Variants in SEMA3E observed in about 807,000 individuals in gnomAD.
SEMA3E encodes semaphorin-3E.
A neutral mutation model predicts 93.6 loss-of-function variants in SEMA3E; 49 were observed. The ratio of observed to expected loss-of-function variants is 0.52; its 90% CI spans 0.42 to 0.66. SEMA3E has a LOEUF of 0.66. Ranked by LOEUF, SEMA3E falls within the 30% of genes least tolerant of loss-of-function variation. The pLI, the probability that SEMA3E is intolerant of heterozygous loss-of-function variation, is 0.00. For synonymous variants in SEMA3E, 363 were observed against 330.7 expected (o/e 1.10, Z -1.06); for missense variants, 906 against 964.8 (o/e 0.94, Z 0.81).
At chr7:83,471,053 C>T (rs1243871774) in intron 2 of SEMA3E, among the ~76,000 whole-genome samples, 1 of 151,718 alleles carries the variant, frequency 6.6e-6, no homozygotes, top group Non-Finnish European at 1.5e-5. Context: ...TTCTGTTAAA[C>T]ATAAGTCACT....
At chr7:83,544,901 G>A (rs561509395) in intron 1 of SEMA3E, among the ~76,000 whole-genome samples, 4 of 151,940 alleles carry the variant, frequency 2.6e-5, no homozygotes, top group Non-Finnish European at 4.4e-5. Context: ...TGACTTGAAC[G>A]AAATATATTT....
At chr7:83,389,005 A>C (rs1481814744) in intron 14 of SEMA3E, among the ~76,000 whole-genome samples, 1 of 151,954 alleles carries the variant, frequency 6.6e-6, no homozygotes, top group Non-Finnish European at 1.5e-5. Context: ...AGTATGTTTT[A>C]GTTTTAGTTT....
chr7:83,574,473 AGAG>A (rs771743564), intron 1 of SEMA3E, among the ~76,000 whole-genome samples: 139 of 48,682 alleles, frequency 2.9e-3, no homozygotes, highest in Middle Eastern at 0.014. Flanking sequence ...AAAAAAAAAG[AGAG>A]AGAGAGACTA....
intron 5 of SEMA3E, among the ~76,000 whole-genome samples, chr7:83,414,334 C>T (rs1381188375): frequency 2.1e-5 from 3 of 144,030 alleles, no homozygotes; most frequent in African/African-American, 7.4e-5. Context: ...TAAAAATAAA[C>T]AATTATTTAT....
At chr7:83,444,445 A>G (rs1248718069) in intron 4 of SEMA3E, among the ~76,000 whole-genome samples, 1 of 152,128 alleles carries the variant, frequency 6.6e-6, no homozygotes, top group Non-Finnish European at 1.5e-5. Context: ...TCTCTAGGGA[A>G]TTACTTTAGG....
chr7:83,644,549 G>C (rs977601342), intron 1 of SEMA3E, among the ~76,000 whole-genome samples: 1 of 151,896 alleles, frequency 6.6e-6, no homozygotes, highest in Non-Finnish European at 1.5e-5. Context: ...TGTTTCACTT[G>C]ATTATCTCAA....
At chr7:83,525,964 T>C (rs933456921) in intron 1 of SEMA3E, among the ~76,000 whole-genome samples, 6 of 151,942 alleles carry the variant, frequency 3.9e-5, no homozygotes, top group African/African-American at 1.4e-4. Flanking sequence ...ATTTTTTTTT[T>C]TTTAGGAAGT....
intron 4 of SEMA3E, among the ~76,000 whole-genome samples, chr7:83,438,184 TA>T (rs762626878): frequency 7.9e-5 from 12 of 152,182 alleles, no homozygotes; most frequent in Non-Finnish European, 1.3e-4. Context: ...ACCTGTGTTT[TA>T]TTTTTTTAAG....
intron 1 of SEMA3E, among the ~76,000 whole-genome samples, chr7:83,641,102 T>C (rs1230501603): frequency 6.6e-6 from 1 of 152,148 alleles, no homozygotes; most frequent in African/African-American, 2.4e-5. Flanking sequence ...AGAAGGTGAA[T>C]AGACAGAAAG....
intron 1 of SEMA3E, among the ~76,000 whole-genome samples, chr7:83,616,284 C>T (rs193101157): frequency 1.3e-5 from 2 of 152,212 alleles, no homozygotes; most frequent in African/African-American, 4.8e-5. Context: ...GTAGCTAGGG[C>T]AATTGTCATT....
chr7:83,452,301 C>T (rs1789380318), intron 4 of SEMA3E, among the ~76,000 whole-genome samples: 1 of 151,990 alleles, frequency 6.6e-6, no homozygotes, highest in Admixed American at 6.6e-5. Flanking sequence ...TGACTTCTTC[C>T]ATGTATTTAT....
chr7:83,438,344 C>A (rs2115773383), intron 4 of SEMA3E, among the ~76,000 whole-genome samples: 1 of 152,194 alleles, frequency 6.6e-6, no homozygotes, highest in South Asian at 2.1e-4. Flanking sequence ...CCTGGAATCT[C>A]TTTACATAAA....
chr7:83,546,410 G>A (rs1791652636), intron 1 of SEMA3E, among the ~76,000 whole-genome samples: 1 of 150,684 alleles, frequency 6.6e-6, no homozygotes, highest in African/African-American at 2.4e-5. Context: ...ACTAGCTCTA[G>A]GGCTAGTGGG....
chr7:83,503,707 G>A (rs1396056092), intron 1 of SEMA3E, among the ~76,000 whole-genome samples: 3 of 152,148 alleles, frequency 2.0e-5, no homozygotes, highest in Non-Finnish European at 2.9e-5. Flanking sequence ...ATAAGCAATT[G>A]TAATTTGATA....
At chr7:83,568,292 T>A (rs1792204344) in intron 1 of SEMA3E, among the ~76,000 whole-genome samples, 1 of 152,056 alleles carries the variant, frequency 6.6e-6, no homozygotes, top group Non-Finnish European at 1.5e-5. Flanking sequence ...CCAAATTCTA[T>A]CAAATGGGTA....
chr7:83,523,269 C>A (rs1791085818), intron 1 of SEMA3E, among the ~76,000 whole-genome samples: 1 of 151,994 alleles, frequency 6.6e-6, no homozygotes, highest in African/African-American at 2.4e-5. Context: ...GAGTTGGAGA[C>A]TGAACAGTTT....
In SEMA3E at chr7:83,526,410, G is replaced by C. The variant is rs1193963772; in HGVS notation, c.116-36136C>G. Among the ~76,000 whole-genome samples, 6 of 152,066 alleles carry C rather than the reference G, an allele frequency of 3.9e-5. No homozygotes were observed. In the East Asian group the frequency reaches 1.2e-3, roughly 29 times the overall value. On this transcript the variant is annotated intron_variant, in intron 1 of 16. Transcript: ENST00000643230. ...AAAAAATTATTTCATTATTTTCAGG[G>C]ATATTGGAGAGGAAGTAGAAAGGTT...
Position 83,458,346 on chromosome 7 carries a change from ATATT to A in SEMA3E, c.456+8132_456+8135del, listed in dbSNP as rs1393370298. On this transcript the variant is annotated intron_variant, in intron 4 of 16. Transcript: ENST00000643230. ...GATGATAAACTATATATATGTATAT[ATATT>A]TATTTATTTTTAAAAACTTCTAGAA... Among the ~76,000 whole-genome samples, 8 of 151,652 alleles carry A rather than the reference ATATT, an allele frequency of 5.3e-5. No homozygotes were observed. In the East Asian group the frequency reaches 5.8e-4, roughly 11 times the overall value.
chr7:83,408,398 T>G lies in SEMA3E; in HGVS notation c.640A>C (p.Thr214Pro). 1 of 1,613,832 alleles carries G rather than the reference T, an allele frequency of 6.2e-7. No homozygotes were observed. The highest frequency in any genetic ancestry group is 8.5e-7 in the Non-Finnish European group (1 of 1,179,852). Residue 214 changes from threonine to proline, a missense_variant, in exon 6 of 17, where the codon ACT (threonine) becomes CCT (proline). By Grantham distance (38) the Thr-to-Pro change is conservative. Transcript: ENST00000643230. The stretch of plus-strand genomic sequence containing the variant: ...AACAGACGCTCATCGTCATGCTCAG[T>G]GCGGATATGGGCCAGTCGCCCCATG... ...RSMGRLAHIRTEHDDERLLKE... is the reference protein window; with the variant it reads ...RSMGRLAHIRPEHDDERLLKE...
Sources: allele counts gnomAD v4.1 joint callset (sites outside exome capture counted in the v4.1 genomes callset), GRCh38; gene constraint gnomAD v4.1.1; transcripts MANE v1.5; gene names NCBI Gene and HGNC (gene_info 2026-07-23, HGNC 2026-07-21).